Variants in FRMD6 observed in about 807,000 individuals in gnomAD.
FRMD6 encodes the protein FERM domain-containing protein 6.
FRMD6 carries 37 observed loss-of-function variants against 73.2 expected under a neutral mutation model. The observed-to-expected ratio is 0.51, with a 90% CI of 0.39 to 0.66. The LOEUF (loss-of-function observed/expected upper bound fraction) is 0.66, where lower values mean the gene tolerates loss of function less well. Among genes scored for constraint, FRMD6 ranks in the 30% least tolerant of loss-of-function variants. The probability of loss-of-function intolerance (pLI) is 0.00; values close to 1 mark genes in which losing one functional copy is unlikely to be tolerated. For missense variants in FRMD6, 714 were observed against 780.5 expected, an observed-to-expected ratio of 0.91 and a Z score of 1.02; for synonymous variants, 273 against 282.2, an observed-to-expected ratio of 0.97 and a Z score of 0.33.
rs112139742 is a variant in FRMD6 at position 51,720,707 on chromosome 14, G to A, written c.1360+317G>A. ...TCTGCTTCCCAGATTAAATAAAACA[G>A]TGGTTAGGACAGCACAGTGGAGTGC... On this transcript the variant is annotated intron_variant, in intron 11 of 13. Transcript: ENST00000344768. 1.5e-3 allele frequency among the ~76,000 whole-genome samples: 230 copies of A among 152,310 alleles called. 2 individuals carry two copies. The highest frequency in any genetic ancestry group is 5.2e-3 in the African/African-American group (217 of 41,572).
At chr14:51,406,611 G>T in the FRMD6 span, among the ~76,000 whole-genome samples, 1 of 152,036 alleles carries the variant, frequency 6.6e-6, no homozygotes, top group African/African-American at 2.4e-5. Context: ...TGCCTGATTT[G>T]GCTCTCAGCT....
At chr14:51,569,856 C>T (rs1326327229) in intron 1 of FRMD6, among the ~76,000 whole-genome samples, 1 of 151,620 alleles carries the variant, frequency 6.6e-6, no homozygotes, top group South Asian at 2.1e-4. Flanking sequence ...GGCTCTGTCG[C>T]CCAGGCTGGA....
intron 2 of FRMD6, among the ~76,000 whole-genome samples, chr14:51,579,711 C>T (rs1279641830): frequency 6.6e-6 from 1 of 152,128 alleles, no homozygotes; most frequent in East Asian, 1.9e-4. Flanking sequence ...TTGAATCCTG[C>T]TTTTCAACTT....
chr14:51,615,194 T>A (rs1249023380), intron 2 of FRMD6, among the ~76,000 whole-genome samples: 3 of 152,230 alleles, frequency 2.0e-5, no homozygotes, highest in Admixed American at 6.5e-5. Context: ...AGGTCAGCAC[T>A]GCCTAGCTGC....
chr14:51,450,768 G>A, the FRMD6 span, among the ~76,000 whole-genome samples: 2 of 152,208 alleles, frequency 1.3e-5, no homozygotes, highest in Admixed American at 6.5e-5. Flanking sequence ...TGACCTGCTG[G>A]CCATCAGTTT....
chr14:51,497,479 C>G (rs1301739134), intron 1 of FRMD6, among the ~76,000 whole-genome samples: 6 of 152,110 alleles, frequency 3.9e-5, no homozygotes, highest in Non-Finnish European at 7.3e-5. Context: ...ACAGGCCTCT[C>G]TCTACTAATG....
At chr14:51,454,439 C>A in the FRMD6 span, 1 of 152,202 alleles carries the variant, frequency 6.6e-6, no homozygotes, top group Non-Finnish European at 1.5e-5. Flanking sequence ...GAGGACTGAG[C>A]TCTTCCCTCC....
chr14:51,647,513 G>A (rs187856297), upstream of FRMD6, among the ~76,000 whole-genome samples: 1 of 152,278 alleles, frequency 6.6e-6, no homozygotes, highest in East Asian at 1.9e-4. Context: ...AAGTTTCCAT[G>A]TGAGATTATT....
At chr14:51,684,478 T>C (rs531457122) in intron 1 of FRMD6, among the ~76,000 whole-genome samples, 4 of 152,356 alleles carry the variant, frequency 2.6e-5, no homozygotes, top group Admixed American at 2.6e-4. Context: ...CTGGAAAATA[T>C]GTATTTAGTA....
At chr14:51,582,017 T>C (rs1309385111) in intron 2 of FRMD6, among the ~76,000 whole-genome samples, 4 of 152,238 alleles carry the variant, frequency 2.6e-5, no homozygotes, top group Non-Finnish European at 4.4e-5. Flanking sequence ...TTTATCTTAG[T>C]AGACTGTAGG....
In FRMD6 at chr14:51,549,743, C is replaced by T. The variant is rs1284215841; in HGVS notation, c.-209-20605C>T. Among the ~76,000 whole-genome samples the T allele has an allele frequency of 3.3e-5, 5 of 151,812 alleles. No homozygotes were observed. In the East Asian group the frequency reaches 7.7e-4, roughly 23 times the overall value. Reference sequence around the variant, plus strand: ...CCCGAGTAGCTGGGACTACAGGCGCCCGCCGCCTCGCCCGGCTAGTTTTTT... The same window carrying T: ...CCCGAGTAGCTGGGACTACAGGCGCTCGCCGCCTCGCCCGGCTAGTTTTTT... On this transcript the variant is annotated intron_variant, in intron 1 of 14. Coordinates refer to the FRMD6 transcript ENST00000356218.
intron 1 of FRMD6, among the ~76,000 whole-genome samples, chr14:51,678,274 G>T (rs1438261640): frequency 6.6e-6 from 1 of 152,176 alleles, no homozygotes; most frequent in Non-Finnish European, 1.5e-5. Context: ...CCAGATTTGA[G>T]TTGGATATTT....
intron 1 of FRMD6, among the ~76,000 whole-genome samples, chr14:51,521,001 G>A (rs976177083): frequency 6.0e-4 from 92 of 152,300 alleles, no homozygotes; most frequent in African/African-American, 2.2e-3. Flanking sequence ...TGATCATTAA[G>A]AAAACATAGA....
At chr14:51,690,228 T>C (rs1205051258) in intron 2 of FRMD6, among the ~76,000 whole-genome samples, 11 of 152,328 alleles carry the variant, frequency 7.2e-5, no homozygotes, top group Admixed American at 2.0e-4. Flanking sequence ...TATTGAAGTA[T>C]ATGAATTTAT....
chr14:51,539,693 C>A (rs1041267764), intron 1 of FRMD6, among the ~76,000 whole-genome samples: 1 of 152,068 alleles, frequency 6.6e-6, no homozygotes, highest in African/African-American at 2.4e-5. Context: ...AACGTGGTTC[C>A]CCCAACCCCC....
At chr14:51,692,810 A>G (rs1895692800) in intron 2 of FRMD6, 1 of 152,160 alleles carries the variant, frequency 6.6e-6, no homozygotes, top group Non-Finnish European at 1.5e-5. Flanking sequence ...AAAGCTAGGC[A>G]GGGTCAGGCC....
Position 51,703,425 on chromosome 14 carries a change from A to G in FRMD6, c.371+837A>G, listed in dbSNP as rs559745712. ...TGTAAAATTAGCTCTTGATATTTTT[A>G]TCAATGCCAGATGCAAATTAAAAAG... On this transcript the variant is annotated intron_variant, in intron 5 of 13. Coordinates refer to ENST00000344768, the MANE Select transcript of FRMD6 (RefSeq NM_001267046.2). Among the ~76,000 whole-genome samples, 4 of 152,232 alleles carry G rather than the reference A, an allele frequency of 2.6e-5. No individual in the cohort carries two copies. In the South Asian group the frequency reaches 8.3e-4, roughly 32 times the overall value.
In FRMD6 at chr14:51,692,305, A is replaced by G. The variant is rs148465744; in HGVS notation, c.99+2370A>G. Among the ~76,000 whole-genome samples the G allele has an allele frequency of 5.7e-4, 87 of 152,364 alleles. 2 individuals are homozygous for G. In the East Asian group the frequency reaches 0.014, roughly 24 times the overall value. On this transcript the variant is annotated intron_variant, in intron 2 of 13. Transcript: ENST00000344768. The stretch of plus-strand genomic sequence containing the variant: ...TTTTTTCAGTGGGGGCACTAGCAAT[A>G]TAAGTTATAATTGAATCCTACTTAC...
chr14:51,583,658 C>T (rs1487923760), intron 2 of FRMD6, among the ~76,000 whole-genome samples: 2 of 152,192 alleles, frequency 1.3e-5, no homozygotes, highest in Non-Finnish European at 2.9e-5. Context: ...TAACCAGCAG[C>T]TCCTAAGTAG....
Sources: gnomAD v4.1 joint callset for allele counts (sites outside exome capture counted in the v4.1 genomes callset) on GRCh38, gnomAD v4.1.1 for gene constraint, MANE v1.5 for transcripts, NCBI Gene and HGNC (gene_info 2026-07-23, HGNC 2026-07-21) for gene names.